NFIC: variants seen among roughly 807,000 people sequenced by gnomAD.
NFIC encodes nuclear factor I C, also known as nuclear factor 1 C-type.
NFIC carries 12 observed loss-of-function variants against 54.4 expected under a neutral mutation model. The ratio of observed to expected loss-of-function variants is 0.22; its 90% CI spans 0.14 to 0.36. The LOEUF (loss-of-function observed/expected upper bound fraction) is 0.36. Among genes scored for constraint, NFIC ranks in the 10% least tolerant of loss-of-function variants. NFIC has a pLI of 1.00. For synonymous variants in NFIC, 322 were observed against 319.2 expected, an observed-to-expected ratio of 1.01 and a Z score of -0.09; for missense variants, 575 against 718.2, an observed-to-expected ratio of 0.80 and a Z score of 2.28.
chr19:3,419,373 C>A (rs1002059376), intron 2 of NFIC, among the ~76,000 whole-genome samples: 82 of 152,216 alleles, frequency 5.4e-4, no homozygotes, highest in African/African-American at 2.0e-3. Flanking sequence ...ACTCGACAGT[C>A]TGAGGTGGGG....
At chr19:3,451,564 A>G (rs759280663) in intron 7 of NFIC, among the ~76,000 whole-genome samples, 3 of 151,692 alleles carry the variant, frequency 2.0e-5, no homozygotes, top group Non-Finnish European at 4.4e-5. Context: ...TCAGGAGGTC[A>G]AGGCTGTAGT....
intron 2 of NFIC, among the ~76,000 whole-genome samples, chr19:3,398,924 C>T (rs1269848316): frequency 6.6e-6 from 1 of 152,220 alleles, no homozygotes; most frequent in Non-Finnish European, 1.5e-5. Flanking sequence ...TCAGCAAGGC[C>T]GCCATTAATG....
intron 2 of NFIC, among the ~76,000 whole-genome samples, chr19:3,412,844 AT>A (rs933201481): frequency 6.6e-6 from 1 of 152,110 alleles, no homozygotes; most frequent in African/African-American, 2.4e-5. Flanking sequence ...GTGCTCTGAA[AT>A]TTCTCTGGCC....
chr19:3,430,384 G>A (rs1040202164), intron 3 of NFIC, among the ~76,000 whole-genome samples: 2 of 151,692 alleles, frequency 1.3e-5, no homozygotes, highest in Non-Finnish European at 2.9e-5. Context: ...CACCACACCC[G>A]GCTAATTTTT....
In NFIC at chr19:3,425,824, A is replaced by G. The variant is rs554068851; in HGVS notation, c.634+647A>G. Among the ~76,000 whole-genome samples, 809 of 149,508 alleles carry G rather than the reference A, an allele frequency of 5.4e-3. 5 individuals carry two copies. The highest frequency in any genetic ancestry group is 7.5e-3 in the Non-Finnish European group (505 of 67,616). ...GGCTGGAGTGCAGTGACACCATCCT[A>G]GCTCACTGCAGCCTGGACCAGCTAG... On this transcript the variant is annotated intron_variant, in intron 3 of 10. Transcript: ENST00000443272.
At chr19:3,407,158 G>C (rs1489205878) in intron 2 of NFIC, among the ~76,000 whole-genome samples, 2 of 152,138 alleles carry the variant, frequency 1.3e-5, no homozygotes, top group Non-Finnish European at 2.9e-5. Context: ...CTGTCGCCCA[G>C]GCTGGAGTGC....
rs901741243 is a variant in NFIC, at chr19:3,375,289, G to C, written c.31-6423G>C. Among the ~76,000 whole-genome samples, 2 of 152,060 alleles carry C rather than the reference G, an allele frequency of 1.3e-5. No homozygotes were observed. Among genetic ancestry groups the C allele is most frequent in the Non-Finnish European group, 2.9e-5 (2 of 68,002 alleles). On this transcript the variant is annotated intron_variant, in intron 1 of 10. Transcript: ENST00000443272. The surrounding 1 kb of genome is among the most constrained non-coding windows in gnomAD (Gnocchi z 4.6). ...GCCCCAGCTGGACAACATTGTCCGG[G>C]CCTCCTGCCCGCCTGGCATCTCCTC...
chr19:3,408,618 T>C (rs1182919733), intron 2 of NFIC, among the ~76,000 whole-genome samples: 1 of 152,032 alleles, frequency 6.6e-6, no homozygotes, highest in Non-Finnish European at 1.5e-5. Flanking sequence ...AGCTAATTTT[T>C]ATTTTATTTT....
At chr19:3,431,407 C>T (rs1341807699) in intron 3 of NFIC, among the ~76,000 whole-genome samples, 5 of 131,610 alleles carry the variant, frequency 3.8e-5, no homozygotes, top group African/African-American at 1.5e-4. Flanking sequence ...CTTGCTCTGT[C>T]CCCGAGGCTG....
chr19:3,379,911 G>A (rs2081172989), intron 1 of NFIC, among the ~76,000 whole-genome samples: 1 of 150,860 alleles, frequency 6.6e-6, no homozygotes, highest in African/African-American at 2.4e-5. Flanking sequence ...TGAACTCCTG[G>A]GCTCAAGCAG....
At chr19:3,363,963 C>G (rs1372438953), upstream of NFIC, among the ~76,000 whole-genome samples, 1 of 152,214 alleles carries the variant, frequency 6.6e-6, no homozygotes, top group Non-Finnish European at 1.5e-5. Flanking sequence ...CAGTTGGGAG[C>G]CACTGGTTTT....
rs1339087257 is a variant in NFIC, at chr19:3,458,978, G to A, written c.1509+2343G>A. 6.6e-6 allele frequency among the ~76,000 whole-genome samples: 1 copy of A among 152,086 alleles called. No homozygotes were observed. The highest frequency in any genetic ancestry group is 1.5e-5 in the Non-Finnish European group (1 of 67,990). On this transcript the variant is annotated intron_variant, in intron 10 of 10. Transcript: ENST00000443272. This position sits in a 1 kb window ranked among gnomAD's most constrained non-coding sequence, Gnocchi z 4.1. Reference sequence around the variant, plus strand: ...CCCTGACTGGACTAAGAGCACCTGGGTTGAGGCCGGGCGCCGCCACCTCCC... The same window carrying A: ...CCCTGACTGGACTAAGAGCACCTGGATTGAGGCCGGGCGCCGCCACCTCCC...
rs1221609713 is a variant in NFIC at position 3,381,800 on chromosome 19, A to G, written c.119A>G (p.Lys40Arg). ...TTCAACCTGCAGGCGCGGAAGCGCA[A>G]GTACTTCAAGAAGCACGAGAAGCGG... Reference protein sequence around the residue: ...TWFNLQARKRKYFKKHEKRMS... With the variant: ...TWFNLQARKRRYFKKHEKRMS... The change falls in exon 2 of 11, where the codon AAG becomes AGG. Residue 40 changes from lysine (K) to arginine (R), a missense_variant. Transcript: ENST00000443272. The G allele has an allele frequency of 1.2e-6, 2 of 1,614,016 alleles. No individual in the cohort carries two copies. Among genetic ancestry groups the G allele is most frequent in the Non-Finnish European group, 8.5e-7 (1 of 1,179,968 alleles).
chr19:3,386,205 G>C (rs561881119), intron 2 of NFIC, among the ~76,000 whole-genome samples: 1 of 151,624 alleles, frequency 6.6e-6, no homozygotes, highest in African/African-American at 2.4e-5. Context: ...TGGGCAAAAT[G>C]GCAAAACCCC....
chr19:3,407,142 C>T (rs1260681274), intron 2 of NFIC, among the ~76,000 whole-genome samples: 2 of 152,146 alleles, frequency 1.3e-5, no homozygotes, highest in African/African-American at 4.8e-5. Context: ...GAGGTGGAGT[C>T]TCGCTCTGTC....
chr19:3,445,201 ATG>A (rs1368597853), intron 6 of NFIC, among the ~76,000 whole-genome samples: 2 of 152,090 alleles, frequency 1.3e-5, no homozygotes, highest in Non-Finnish European at 2.9e-5. Flanking sequence ...ATGTATTCAC[ATG>A]CACACACACA....
At chr19:3,412,669 C>G (rs1316887566) in intron 2 of NFIC, among the ~76,000 whole-genome samples, 1 of 152,172 alleles carries the variant, frequency 6.6e-6, no homozygotes, top group African/African-American at 2.4e-5. Flanking sequence ...TGGAGATTGT[C>G]AGCCCCAGCC....
intron 1 of NFIC, among the ~76,000 whole-genome samples, chr19:3,361,294 G>C (rs1348883249): frequency 6.6e-6 from 1 of 152,160 alleles, no homozygotes; most frequent in South Asian, 2.1e-4. Flanking sequence ...GTCCCGAGGG[G>C]TGGGTGGTTA....
chr19:3,461,648 A>G (rs1004492462), intron 10 of NFIC, among the ~76,000 whole-genome samples: 2 of 151,764 alleles, frequency 1.3e-5, no homozygotes, highest in Non-Finnish European at 2.9e-5. Flanking sequence ...ACTTGAACCC[A>G]GGAAGCGGAG....
Sources: gnomAD v4.1 joint callset for allele counts (sites outside exome capture counted in the v4.1 genomes callset) on GRCh38, gnomAD v4.1.1 for gene constraint, Gnocchi (gnomAD v3.1) non-coding constraint, MANE v1.5 for transcripts, NCBI Gene and HGNC (gene_info 2026-07-23, HGNC 2026-07-21) for gene names.